The following FRK variants were observed in gnomAD, a reference collection of about 807,000 sequenced individuals.
FRK encodes the protein tyrosine-protein kinase FRK.
A neutral mutation model predicts 56.4 loss-of-function variants in FRK; 51 were observed. That is an observed-to-expected ratio of 0.90 (90% CI 0.72 to 1.14). The LOEUF (loss-of-function observed/expected upper bound fraction) is 1.14. Among genes scored for constraint, FRK ranks in the 50% most tolerant of loss-of-function variants. The pLI is 0.00. For synonymous variants in FRK, 245 were observed against 217.9 expected (o/e 1.12, Z -1.10); for missense variants, 570 against 601.4 (o/e 0.95, Z 0.55).
At chr6:116,082,972 C>T in the FRK span, among the ~76,000 whole-genome samples, 5,825 of 152,104 alleles carry the variant, frequency 0.038, 147 homozygotes, top group South Asian at 0.08. Context: ...ACCATCAAGA[C>T]ATCAAGAAGA....
At chr6:116,086,869 C>T in the FRK span, among the ~76,000 whole-genome samples, 1 of 152,094 alleles carries the variant, frequency 6.6e-6, no homozygotes, top group African/African-American at 2.4e-5. Flanking sequence ...AGACGAAGTC[C>T]CCATCTGAAA....
intron 2 of FRK, among the ~76,000 whole-genome samples, chr6:115,971,313 AG>A (rs1227369994): frequency 1.3e-5 from 2 of 152,224 alleles, no homozygotes; most frequent in African/African-American, 4.8e-5. Flanking sequence ...TAAGTTTTCT[AG>A]TAAGCACTGT....
intron 1 of FRK, among the ~76,000 whole-genome samples, chr6:116,009,869 T>G (rs1244139448): frequency 6.6e-6 from 1 of 152,160 alleles, no homozygotes; most frequent in Non-Finnish European, 1.5e-5. Flanking sequence ...CTGCAGGACA[T>G]TGTTGTATAA....
chr6:115,943,633 T>G (rs149662719), intron 6 of FRK, among the ~76,000 whole-genome samples: 1 of 152,128 alleles, frequency 6.6e-6, no homozygotes, highest in Non-Finnish European at 1.5e-5. Context: ...ATATATAAAC[T>G]CACTGGGGTA....
upstream of FRK, among the ~76,000 whole-genome samples, chr6:116,062,719 G>C (rs1777668084): frequency 6.6e-6 from 1 of 152,164 alleles, no homozygotes; most frequent in African/African-American, 2.4e-5. Context: ...AATGGCCTGA[G>C]AACGCAGAGC....
chr6:115,962,124 C>T (rs1426294583), intron 4 of FRK, among the ~76,000 whole-genome samples: 7 of 142,606 alleles, frequency 4.9e-5, no homozygotes, highest in Non-Finnish European at 1.1e-4. Context: ...AGTCAAGACC[C>T]ATCAGTGTGC....
intron 1 of FRK, among the ~76,000 whole-genome samples, chr6:116,004,789 T>C (rs1247019403): frequency 1.3e-5 from 2 of 152,174 alleles, no homozygotes; most frequent in African/African-American, 4.8e-5. Flanking sequence ...CAAATGTATA[T>C]CATGTTAGTA....
chr6:116,061,300 T>A (rs1777614506), upstream of FRK, among the ~76,000 whole-genome samples: 1 of 152,056 alleles, frequency 6.6e-6, no homozygotes, highest in East Asian at 1.9e-4. Context: ...AGTCACAGTC[T>A]GGAAAAGTAA....
At chr6:115,976,865 A>C (rs1774009594) in intron 2 of FRK, among the ~76,000 whole-genome samples, 1 of 152,188 alleles carries the variant, frequency 6.6e-6, no homozygotes, top group Non-Finnish European at 1.5e-5. Context: ...TCACAATATC[A>C]GTATTGTCAA....
chr6:116,075,498 T>C, the FRK span, among the ~76,000 whole-genome samples: 1 of 151,796 alleles, frequency 6.6e-6, no homozygotes, highest in Non-Finnish European at 1.5e-5. Context: ...GAACTTTTTT[T>C]CCTCCCAGAA....
chr6:116,063,808 A>C (rs994218289), upstream of FRK, among the ~76,000 whole-genome samples: 1 of 152,184 alleles, frequency 6.6e-6, no homozygotes, highest in African/African-American at 2.4e-5. Context: ...CAAATAAAAA[A>C]CAATGCCTAC....
chr6:115,956,011 T>A (rs1207309218), intron 5 of FRK, among the ~76,000 whole-genome samples: 1 of 152,218 alleles, frequency 6.6e-6, no homozygotes, highest in African/African-American at 2.4e-5. Context: ...AAGTACAATG[T>A]TGTCAAATAC....
At chr6:115,961,332 G>T (rs1289467980) in intron 4 of FRK, among the ~76,000 whole-genome samples, 181 of 112,100 alleles carry the variant, frequency 1.6e-3, no homozygotes, top group African/African-American at 6.4e-3. Flanking sequence ...AAGCAAGAAG[G>T]GAAGTTTAGA....
chr6:115,985,048 C>T (rs1425547645), intron 2 of FRK, among the ~76,000 whole-genome samples: 1 of 152,116 alleles, frequency 6.6e-6, no homozygotes, highest in Non-Finnish European at 1.5e-5. Context: ...AGAGCCTGAG[C>T]ATGGTCTCAC....
intron 4 of FRK, among the ~76,000 whole-genome samples, chr6:115,959,714 A>G (rs927236173): frequency 6.6e-6 from 1 of 152,214 alleles, no homozygotes; most frequent in Non-Finnish European, 1.5e-5. Context: ...TACTTTACGT[A>G]TATTGACTCC....
the FRK span, among the ~76,000 whole-genome samples, chr6:116,096,813 T>G: frequency 6.6e-6 from 1 of 152,226 alleles, no homozygotes; most frequent in African/African-American, 2.4e-5. Context: ...GTTCTTTCGC[T>G]CTTCACAATA....
Position 115,933,377 on chromosome 6 carries a change from A to C in FRK, c.*9037T>G, listed in dbSNP as rs1207267115. 1 of 152,228 alleles carries C rather than the reference A, an allele frequency of 6.6e-6. No individual in the cohort carries two copies. The highest frequency in any genetic ancestry group is 2.4e-5 in the African/African-American group (1 of 41,464). 9.4% of individuals were successfully genotyped at this position (152,228 alleles called of 1,614,324 possible). ...TTATCTTTTCCTGATCCTTTTATTTAATACAGGGAGAGAAATTTATGGCAG... is the reference window on the plus strand; with the variant it reads ...TTATCTTTTCCTGATCCTTTTATTTCATACAGGGAGAGAAATTTATGGCAG... On this transcript the variant is annotated 3_prime_UTR_variant, in exon 8 of 8. Coordinates refer to ENST00000606080, the MANE Select transcript of FRK (RefSeq NM_002031.3).
At chr6:115,942,959 A>G in intron 7 of FRK, 61 bp downstream of exon 7, 1 of 1,533,334 alleles carries the variant, frequency 6.5e-7, no homozygotes, top group Non-Finnish European at 8.9e-7. Context: ...CAAAGCAGTT[A>G]AAATCACACC....
the FRK span, among the ~76,000 whole-genome samples, chr6:116,086,130 C>T: frequency 2.6e-5 from 4 of 152,038 alleles, no homozygotes; most frequent in Admixed American, 6.6e-5. Context: ...CTCAGCCTCC[C>T]GAGTAGCTTG....
Sources: allele counts gnomAD v4.1 joint callset (sites outside exome capture counted in the v4.1 genomes callset), GRCh38; gene constraint gnomAD v4.1.1; transcripts MANE v1.5; gene names NCBI Gene and HGNC (gene_info 2026-07-23, HGNC 2026-07-21).